TMEM232: variants seen among roughly 807,000 people sequenced by gnomAD.
TMEM232 encodes the protein transmembrane protein 232.
A neutral mutation model predicts 78.8 loss-of-function variants in TMEM232; 80 were observed. That is an observed-to-expected ratio of 1.01 (90% CI 0.85 to 1.22). The LOEUF is 1.22. Among genes scored for constraint, TMEM232 ranks in the 50% most tolerant of loss-of-function variants. TMEM232 has a pLI of 0.00. For missense variants in TMEM232, 881 were observed against 742.2 expected (o/e 1.19, Z -2.17); for synonymous variants, 297 against 254.3 (o/e 1.17, Z -1.60).
At chr5:110,448,077 T>C (rs1759861943) in intron 12 of TMEM232, among the ~76,000 whole-genome samples, 1 of 151,676 alleles carries the variant, frequency 6.6e-6, no homozygotes. Flanking sequence ...AAAGAAAAAA[T>C]AAACTATAAG....
chr5:110,438,482 A>G (rs575391950), intron 12 of TMEM232, among the ~76,000 whole-genome samples: 1 of 151,938 alleles, frequency 6.6e-6, no homozygotes, highest in Admixed American at 6.6e-5. Flanking sequence ...AAGAAAATAG[A>G]TTTGCCCTCC....
At chr5:110,702,961 T>C (rs1321458344) in intron 1 of TMEM232, among the ~76,000 whole-genome samples, 1 of 152,024 alleles carries the variant, frequency 6.6e-6, no homozygotes, top group Admixed American at 6.6e-5. Flanking sequence ...CTCTGGACAA[T>C]CTAGCAAACA....
chr5:110,454,553 A>G (rs1760686315), intron 12 of TMEM232, among the ~76,000 whole-genome samples: 1 of 152,172 alleles, frequency 6.6e-6, no homozygotes, highest in Non-Finnish European at 1.5e-5. Context: ...TTTGGAAGTA[A>G]ACAAAACACT....
chr5:110,486,680 AT>A (rs1367565769), intron 12 of TMEM232, among the ~76,000 whole-genome samples: 1 of 151,986 alleles, frequency 6.6e-6, no homozygotes, highest in Non-Finnish European at 1.5e-5. Flanking sequence ...CTATGTGCCT[AT>A]TTTTACACCA....
In TMEM232 at chr5:110,424,917, C is replaced by T; in HGVS notation, c.1704-1G>A. ...AATTTCTGATACAGAAGGATGTTCC[C>T]TTCAAAAGAGCACAAGAACAAATCC... On this transcript the variant is annotated splice_acceptor_variant, in intron 12 of 13. Transcript: ENST00000455884. LOFTEE classifies it high-confidence loss of function. 1 of 1,547,330 alleles carries T rather than the reference C, an allele frequency of 6.5e-7. No individual in the cohort carries two copies. The highest frequency in any genetic ancestry group is 8.7e-7 in the Non-Finnish European group (1 of 1,144,430).
At chr5:110,618,313 T>C (rs1783198657) in intron 8 of TMEM232, 116 bp downstream of exon 8, 1 of 1,300,366 alleles carries the variant, frequency 7.7e-7, no homozygotes, top group African/African-American at 1.5e-5. Context: ...ACTGAGATTA[T>C]AAATTTGTTT....
intron 12 of TMEM232, among the ~76,000 whole-genome samples, chr5:110,446,718 C>A (rs2062633971): frequency 6.6e-6 from 1 of 152,072 alleles, no homozygotes; most frequent in Admixed American, 6.6e-5. Context: ...GGCTGGCTTA[C>A]TTCCATAATT....
chr5:110,445,311 GT>G (rs1199503734), intron 12 of TMEM232, among the ~76,000 whole-genome samples: 3 of 151,758 alleles, frequency 2.0e-5, no homozygotes, highest in African/African-American at 7.3e-5. Flanking sequence ...AATTACATAT[GT>G]TTAAAATATA....
At chr5:110,692,077 C>G (rs192597907) in intron 1 of TMEM232, among the ~76,000 whole-genome samples, 1 of 152,074 alleles carries the variant, frequency 6.6e-6, no homozygotes, top group East Asian at 1.9e-4. Flanking sequence ...CCCGCCACCA[C>G]GCTCGGCTAA....
At chr5:110,422,219 G>A (rs1421533423) in intron 13 of TMEM232, among the ~76,000 whole-genome samples, 2 of 151,960 alleles carry the variant, frequency 1.3e-5, no homozygotes, top group Admixed American at 6.6e-5. Context: ...GAAATATTTC[G>A]ATAGATCTCA....
At chr5:110,673,989 T>TG (rs1791700230) in intron 1 of TMEM232, among the ~76,000 whole-genome samples, 1 of 26,916 alleles carries the variant, frequency 3.7e-5, no homozygotes, top group African/African-American at 1.7e-4. Flanking sequence ...AGAGGTAACA[T>TG]GAAAAAAAAA....
chr5:110,550,666 C>T, intron 11 of TMEM232, among the ~76,000 whole-genome samples: 1 of 151,414 alleles, frequency 6.6e-6, no homozygotes, highest in East Asian at 1.9e-4. Context: ...ATATACAAAA[C>T]ATTATTGATA....
At chr5:110,546,934 A>G (rs1264384174) in intron 11 of TMEM232, among the ~76,000 whole-genome samples, 1 of 152,006 alleles carries the variant, frequency 6.6e-6, no homozygotes, top group African/African-American at 2.4e-5. Flanking sequence ...ATTACTGAAA[A>G]TAAGTGTTGC....
intron 12 of TMEM232, among the ~76,000 whole-genome samples, chr5:110,452,804 C>CTACTAATGACTTTA (rs1452306102): frequency 1.3e-5 from 2 of 152,178 alleles, no homozygotes; most frequent in East Asian, 3.9e-4. Flanking sequence ...AAAGGGCAGA[C>CTACTAATGACTTTA]TACTAATGAC....
At chr5:110,472,922 C>T (rs1305234927) in intron 12 of TMEM232, among the ~76,000 whole-genome samples, 1 of 151,638 alleles carries the variant, frequency 6.6e-6, no homozygotes, top group Non-Finnish European at 1.5e-5. Context: ...GGAATTAACT[C>T]CAAATGCATT....
chr5:110,691,339 T>A (rs534661749), intron 1 of TMEM232, among the ~76,000 whole-genome samples: 2 of 152,198 alleles, frequency 1.3e-5, no homozygotes, highest in African/African-American at 4.8e-5. Context: ...ATATTTCAAA[T>A]CTCCTTTATT....
Position 110,638,271 on chromosome 5 carries a change from G to A in TMEM232, c.428C>T (p.Ser143Leu), listed in dbSNP as rs1488804452. The part of the protein sequence containing the change: ...HLPALFFVAE[S>L]VLYRLCCDAS... The stretch of plus-strand genomic sequence containing the variant: ...ATCACAACACAGTCTGTATAAAACC[G>A]ATTCCGCAACAAAAAATAAGGCAGG... The change falls in exon 5 of 14, where the codon TCG becomes TTG. Residue 143 changes from serine (S) to leucine (L), a missense_variant. By Grantham distance (145) the Ser-to-Leu change is moderately radical. Coordinates refer to ENST00000455884, the MANE Select transcript of TMEM232 (RefSeq NM_001039763.4). 9 of 1,550,780 alleles carry A rather than the reference G, an allele frequency of 5.8e-6. No homozygotes were observed. Among genetic ancestry groups the A allele is most frequent in the East Asian group, 2.4e-5 (1 of 40,830 alleles).
intron 7 of TMEM232, among the ~76,000 whole-genome samples, chr5:110,621,828 T>C (rs1783788282): frequency 6.6e-6 from 1 of 152,168 alleles, no homozygotes; most frequent in Non-Finnish European, 1.5e-5. Context: ...CTATCATTTG[T>C]AGCTGGAACA....
At chr5:110,602,869 T>C (rs1323768987) in intron 10 of TMEM232, among the ~76,000 whole-genome samples, 1 of 152,144 alleles carries the variant, frequency 6.6e-6, no homozygotes, top group Non-Finnish European at 1.5e-5. Context: ...CTATTCACAA[T>C]AGCGAAGAGT....
Sources: allele counts gnomAD v4.1 joint callset (sites outside exome capture counted in the v4.1 genomes callset), GRCh38; gene constraint gnomAD v4.1.1; transcripts MANE v1.5; gene names NCBI Gene and HGNC (gene_info 2026-07-23, HGNC 2026-07-21).